The following KCNAB2 variants were observed in gnomAD, a reference collection of about 807,000 sequenced individuals.
KCNAB2 encodes the protein voltage-gated potassium channel subunit beta-2.
KCNAB2 carries 29 observed loss-of-function variants against 63.6 expected under a neutral mutation model. That is an observed-to-expected ratio of 0.46 (90% CI 0.34 to 0.62). The LOEUF is 0.62. Ranked by LOEUF, KCNAB2 falls within the 20% of genes least tolerant of loss-of-function variation. The pLI, the probability that KCNAB2 is intolerant of heterozygous loss-of-function variation, is 0.01. For synonymous variants in KCNAB2, 222 were observed against 224.2 expected (o/e 0.99, Z 0.09); for missense variants, 359 against 563.9 (o/e 0.64, Z 3.68).
chr1:6,096,823 C>T lies in KCNAB2; in HGVS notation c.1069+67C>T, dbSNP rs555077025. 5 of 1,479,380 alleles carry T rather than the reference C, an allele frequency of 3.4e-6. No individual in the cohort carries two copies. Among genetic ancestry groups the T allele is most frequent in the South Asian group, 2.7e-5 (2 of 75,418 alleles). The allele number at this position is 1,479,380 out of a possible 1,614,324, so 91.6% of individuals were successfully genotyped here. A position where few individuals can be genotyped will look rare whatever the true frequency, so the allele number is the denominator to read the frequency against. ...ACCTGCCCCAGCTGGCCGTAGGTAA[C>T]AGGGTGGGGTTGCCATGGGGCCAGT... On this transcript the variant is annotated intron_variant, in intron 14 of 15. Coordinates refer to ENST00000378083, the MANE Select transcript of KCNAB2 (RefSeq NM_001199862.2). This position sits in a 1 kb window ranked among gnomAD's most constrained non-coding sequence, Gnocchi z 5.9.
intron 1 of KCNAB2, chr1:6,007,523 G>A (rs949658779): frequency 6.6e-6 from 1 of 152,526 alleles, no homozygotes; most frequent in Non-Finnish European, 1.5e-5. Context: ...CGCCTCCTCC[G>A]CGCCTCCTCT....
At chr1:5,998,234 G>A (rs1452145948) in intron 1 of KCNAB2, among the ~76,000 whole-genome samples, 1 of 152,228 alleles carries the variant, frequency 6.6e-6, no homozygotes, top group African/African-American at 2.4e-5. Context: ...GGGCATCAGG[G>A]CCAAGGCCAC....
At chr1:6,038,790 A>C (rs1316749513) in intron 1 of KCNAB2, among the ~76,000 whole-genome samples, 3 of 152,240 alleles carry the variant, frequency 2.0e-5, no homozygotes, top group African/African-American at 7.2e-5. Flanking sequence ...CTGGGGAAAA[A>C]GAGTGGGAAA....
At position 6,003,185 on chromosome 1, in the gene KCNAB2, C is replaced by T. The variant is rs971466853; in HGVS notation, c.-53+10397C>T. On this transcript the variant is annotated intron_variant, in intron 1 of 16. Transcript: ENST00000341524. This position sits in a 1 kb window ranked among gnomAD's most constrained non-coding sequence, Gnocchi z 4.1. Reference sequence around the variant, plus strand: ...GGAAACCACATGGGGGCGAGGCCAGCGCACAGCCCCAGCAGCCTGGCCCCT... The same window carrying T: ...GGAAACCACATGGGGGCGAGGCCAGTGCACAGCCCCAGCAGCCTGGCCCCT... 2.6e-5 allele frequency among the ~76,000 whole-genome samples: 4 copies of T among 152,214 alleles called. No homozygotes were observed. The highest frequency in any genetic ancestry group is 2.0e-4 in the Admixed American group (3 of 15,288).
Position 6,087,401 on chromosome 1 carries a change from G to C in KCNAB2, c.426-66G>C. On this transcript the variant is annotated intron_variant, in intron 6 of 15. Transcript: ENST00000378083. The surrounding 1 kb of genome is among the most constrained non-coding windows in gnomAD (Gnocchi z 6.4). Reference sequence around the variant, plus strand: ...CCTCTGTGTGAGAGATGAGGACGTCGGGGATGAAGGAGGACCCCCCAGGGG... The same window carrying C: ...CCTCTGTGTGAGAGATGAGGACGTCCGGGATGAAGGAGGACCCCCCAGGGG... 1 of 1,544,730 alleles carries C rather than the reference G, an allele frequency of 6.5e-7. No individual in the cohort carries two copies. Among genetic ancestry groups the C allele is most frequent in the African/African-American group, 1.4e-5 (1 of 73,568 alleles).
intron 11 of KCNAB2, among the ~76,000 whole-genome samples, 197 bp downstream of exon 11, chr1:6,094,682 C>G (rs556482459): frequency 6.6e-6 from 1 of 152,328 alleles, no homozygotes; most frequent in East Asian, 1.9e-4. Flanking sequence ...TGCATGGATC[C>G]CAGCGCTGTG....
At chr1:6,031,793 G>T (rs1659645623), upstream of KCNAB2, among the ~76,000 whole-genome samples, 1 of 152,116 alleles carries the variant, frequency 6.6e-6, no homozygotes. This position sits in a 1 kb window ranked among gnomAD's most constrained non-coding sequence, Gnocchi z 4.1. Flanking sequence ...GGAGGCTGAG[G>T]TGGAAGGATC....
At chr1:6,021,115 C>T (rs970139061) in intron 1 of KCNAB2, among the ~76,000 whole-genome samples, 1 of 152,200 alleles carries the variant, frequency 6.6e-6, no homozygotes, top group African/African-American at 2.4e-5. Context: ...GCCTCAGCCT[C>T]CCAAGTAGCC....
intron 9 of KCNAB2, 130 bp downstream of exon 9, chr1:6,090,605 C>T (rs895512953): frequency 4.4e-6 from 3 of 677,948 alleles, no homozygotes; most frequent in Admixed American, 2.6e-5. Context: ...AGGCCGGGTC[C>T]AGGGTGGGGG....
rs758102514 is a variant in KCNAB2, at chr1:6,060,194, A to G, written c.218+8440A>G. ...GAGAAGGACACTCCTGGAATTCCAC[A>G]TGGATCCCACCTTCTCCCTGGAGCC... On this transcript the variant is annotated intron_variant, in intron 2 of 15. Transcript: ENST00000378083. 2.6e-5 allele frequency among the ~76,000 whole-genome samples: 4 copies of G among 152,120 alleles called. 1 individual carries two copies. In the South Asian group the frequency reaches 8.3e-4, roughly 32 times the overall value.
In KCNAB2 at chr1:6,096,251, G is replaced by A. The variant is rs1371474482; in HGVS notation, c.949-385G>A. The stretch of plus-strand genomic sequence containing the variant: ...GCCCTGCAATCCTCTGGGGGGGATG[G>A]CCAGGGGAGAGAGCACTCCCCTAGG... On this transcript the variant is annotated intron_variant, in intron 13 of 15. Transcript: ENST00000378083. The surrounding 1 kb of genome is among the most constrained non-coding windows in gnomAD (Gnocchi z 5.9). 7.1e-6 allele frequency: 3 copies of A among 423,964 alleles called. No individual in the cohort carries two copies. Among genetic ancestry groups the A allele is most frequent in the African/African-American group, 2.0e-5 (1 of 48,870 alleles). The allele number at this position is 423,964 out of a possible 1,614,324, so 26.3% of individuals were successfully genotyped here. A position where few individuals can be genotyped will look rare whatever the true frequency, so the allele number is the denominator to read the frequency against.
intron 1 of KCNAB2, among the ~76,000 whole-genome samples, chr1:6,005,597 C>T (rs1311043604): frequency 1.3e-5 from 2 of 151,958 alleles, no homozygotes; most frequent in Admixed American, 6.5e-5. Context: ...CCCTCTCTCC[C>T]CTCCTGCTGG....
At position 6,040,850 on chromosome 1, in the gene KCNAB2, A is replaced by G. The variant is rs571253296; in HGVS notation, c.77+205A>G. Reference sequence around the variant, plus strand: ...AGGGGCTTTAAAAACCCAAGTGGGAAAGAAAAACCAAAACTTTTCCAGGGC... The same window carrying G: ...AGGGGCTTTAAAAACCCAAGTGGGAGAGAAAAACCAAAACTTTTCCAGGGC... On this transcript the variant is annotated intron_variant, in intron 2 of 15. Transcript: ENST00000164247. Among the ~76,000 whole-genome samples the G allele has an allele frequency of 2.0e-5, 3 of 152,384 alleles. No homozygotes were observed. The South Asian group carries it at 6.2e-4, about 32-fold the overall frequency.
chr1:6,072,911 C>A, intron 3 of KCNAB2, 113 bp downstream of exon 3: 1 of 953,814 alleles, frequency 1.0e-6, no homozygotes. Flanking sequence ...TTGGCACTCC[C>A]CAGGGAGTAG....
intron 1 of KCNAB2, among the ~76,000 whole-genome samples, chr1:6,004,953 ATGTGGGAGCTGAGC>A (rs1657481464): frequency 1.1e-5 from 1 of 87,454 alleles, no homozygotes; most frequent in Admixed American, 1.1e-4. Flanking sequence ...GAGTGGGGGG[ATGTGGGAGCTGAGC>A]TGAGGGATGA....
intron 2 of KCNAB2, among the ~76,000 whole-genome samples, chr1:6,067,991 A>G (rs1044039984): frequency 1.3e-5 from 2 of 152,246 alleles, no homozygotes; most frequent in African/African-American, 2.4e-5. Context: ...AGATCACGCC[A>G]CAGCACTCCA....
At chr1:6,057,156 G>A (rs1350268658) in intron 2 of KCNAB2, among the ~76,000 whole-genome samples, 1 of 151,048 alleles carries the variant, frequency 6.6e-6, no homozygotes, top group African/African-American at 2.4e-5. Flanking sequence ...CTGGTCTGAG[G>A]CTCTCTCTGC....
At chr1:6,095,690 G>C (rs367648507) in intron 13 of KCNAB2, 66 bp downstream of exon 13, 1 of 1,462,190 alleles carries the variant, frequency 6.8e-7, no homozygotes, top group Non-Finnish European at 9.6e-7. Flanking sequence ...TGGGACCTTT[G>C]GGCCGACTGC....
chr1:6,010,744 G>A (rs1425721995), intron 1 of KCNAB2, among the ~76,000 whole-genome samples: 1 of 152,232 alleles, frequency 6.6e-6, no homozygotes, highest in African/African-American at 2.4e-5. Context: ...TTAGCTGATG[G>A]GCAGGCTGGA....
Sources: gnomAD v4.1 joint callset for allele counts (sites outside exome capture counted in the v4.1 genomes callset) on GRCh38, gnomAD v4.1.1 for gene constraint, Gnocchi (gnomAD v3.1) non-coding constraint, MANE v1.5 for transcripts, NCBI Gene and HGNC (gene_info 2026-07-23, HGNC 2026-07-21) for gene names.